SSH2: variants seen among roughly 807,000 people sequenced by gnomAD.
The protein encoded by SSH2 is protein phosphatase Slingshot homolog 2.
SSH2 carries 37 observed loss-of-function variants against 135.2 expected under a neutral mutation model. That is an observed-to-expected ratio of 0.27 (90% CI 0.21 to 0.36). The LOEUF is 0.36. Among genes scored for constraint, SSH2 ranks in the 10% least tolerant of loss-of-function variants. SSH2 has a pLI of 1.00. For synonymous variants in SSH2, 628 were observed against 646.2 expected, an observed-to-expected ratio of 0.97 and a Z score of 0.43; for missense variants, 1,408 against 1,765.3, an observed-to-expected ratio of 0.80 and a Z score of 3.63.
intron 2 of SSH2, among the ~76,000 whole-genome samples, chr17:29,823,353 G>C (rs2042686203): frequency 6.6e-6 from 1 of 152,206 alleles, no homozygotes; most frequent in African/African-American, 2.4e-5. Context: ...TTCCAGAACA[G>C]TATAAAGCAG....
chr17:29,903,748 A>T (rs958768301), intron 1 of SSH2, among the ~76,000 whole-genome samples: 1 of 152,186 alleles, frequency 6.6e-6, no homozygotes, highest in African/African-American at 2.4e-5. Context: ...TAATTAATTA[A>T]TATTCACCAA....
intron 1 of SSH2, among the ~76,000 whole-genome samples, chr17:29,883,513 A>G (rs894340781): frequency 3.3e-5 from 5 of 152,238 alleles, no homozygotes; most frequent in Non-Finnish European, 7.3e-5. Context: ...GTTATACTGT[A>G]TATAAATAGA....
chr17:29,657,561 G>A (rs567872637), intron 11 of SSH2, among the ~76,000 whole-genome samples: 2 of 147,714 alleles, frequency 1.4e-5, no homozygotes, highest in Admixed American at 6.8e-5. Flanking sequence ...GAGCCACTGT[G>A]CCCGGCTACT....
chr17:29,689,417 T>C (rs779716496), intron 5 of SSH2, among the ~76,000 whole-genome samples: 6 of 152,240 alleles, frequency 3.9e-5, no homozygotes, highest in Non-Finnish European at 5.9e-5. Context: ...CCAGAACCTA[T>C]ATTGAAATCA....
intron 3 of SSH2, among the ~76,000 whole-genome samples, chr17:29,735,465 G>C (rs1191965570): frequency 6.6e-6 from 1 of 152,110 alleles, no homozygotes; most frequent in Non-Finnish European, 1.5e-5. Flanking sequence ...GGGAGGCTGA[G>C]GCAGGCACAT....
intron 8 of SSH2, 179 bp downstream of exon 8, chr17:29,676,641 A>T: frequency 1.9e-6 from 1 of 533,948 alleles, no homozygotes; most frequent in Non-Finnish European, 3.4e-6. Flanking sequence ...CCAATACTCA[A>T]GGCCTTCCAA....
intron 3 of SSH2, among the ~76,000 whole-genome samples, chr17:29,744,887 G>A (rs1030303415): frequency 2.0e-5 from 3 of 151,836 alleles, no homozygotes; most frequent in Non-Finnish European, 4.4e-5. Flanking sequence ...GTGTGTGTGT[G>A]TGTGTGTGTG....
chr17:29,925,094 T>A (rs2067040262), intron 1 of SSH2: 1 of 153,276 alleles, frequency 6.5e-6, no homozygotes. Flanking sequence ...TTCAGCCAAG[T>A]CTTTAAACTG....
intron 14 of SSH2, among the ~76,000 whole-genome samples, chr17:29,640,031 C>A (rs1016273661): frequency 6.6e-6 from 1 of 151,572 alleles, no homozygotes; most frequent in African/African-American, 2.4e-5. Context: ...ACAGAACAGG[C>A]AAAATGAGAA....
At chr17:29,817,791 C>A (rs2042583974) in intron 2 of SSH2, among the ~76,000 whole-genome samples, 2 of 152,058 alleles carry the variant, frequency 1.3e-5, no homozygotes, top group Non-Finnish European at 2.9e-5. Flanking sequence ...GGGTCTCGTT[C>A]TTGTTGACCA....
At chr17:29,920,399 T>C (rs2066955847) in intron 1 of SSH2, among the ~76,000 whole-genome samples, 1 of 152,240 alleles carries the variant, frequency 6.6e-6, no homozygotes, top group African/African-American at 2.4e-5. Flanking sequence ...ATTCAAAATG[T>C]AAGCTAGTTT....
chr17:29,831,040 A>C (rs1231984811), intron 2 of SSH2, among the ~76,000 whole-genome samples: 1 of 152,216 alleles, frequency 6.6e-6, no homozygotes, highest in Non-Finnish European at 1.5e-5. Flanking sequence ...AGTGGATTTT[A>C]ATTTTTACTT....
chr17:29,872,640 C>T (rs1439493055), intron 1 of SSH2, among the ~76,000 whole-genome samples: 1 of 152,070 alleles, frequency 6.6e-6, no homozygotes, highest in Non-Finnish European at 1.5e-5. Context: ...CTAGCGGTCT[C>T]GTAACAAGGT....
intron 3 of SSH2, among the ~76,000 whole-genome samples, chr17:29,735,968 G>T (rs146510314): frequency 6.6e-6 from 1 of 151,588 alleles, no homozygotes; most frequent in Non-Finnish European, 1.5e-5. Context: ...GTGGTGGTGC[G>T]TGCTTGTAAT....
intron 3 of SSH2, among the ~76,000 whole-genome samples, chr17:29,730,507 C>G (rs1160983847): frequency 6.6e-6 from 1 of 151,210 alleles, no homozygotes; most frequent in Admixed American, 6.6e-5. Flanking sequence ...ATGATCACCA[C>G]TCACTGTAGC....
intron 1 of SSH2, among the ~76,000 whole-genome samples, chr17:29,916,536 C>T (rs1009448961): frequency 2.0e-5 from 3 of 150,806 alleles, no homozygotes; most frequent in African/African-American, 7.3e-5. Flanking sequence ...GCGTGACTCA[C>T]TGCAACCTTG....
At chr17:29,902,065 G>C (rs933707454) in intron 1 of SSH2, among the ~76,000 whole-genome samples, 1 of 152,074 alleles carries the variant, frequency 6.6e-6, no homozygotes, top group Admixed American at 6.6e-5. Context: ...GGGATTACAG[G>C]CATAAACCAC....
intron 3 of SSH2, among the ~76,000 whole-genome samples, chr17:29,741,007 C>T (rs1470493759): frequency 6.6e-6 from 1 of 152,188 alleles, no homozygotes; most frequent in Non-Finnish European, 1.5e-5. Context: ...TTAGTTTCTT[C>T]ATTGTAACTA....
At chr17:29,727,428 A>G (rs2040039640) in intron 3 of SSH2, among the ~76,000 whole-genome samples, 1 of 152,230 alleles carries the variant, frequency 6.6e-6, no homozygotes, top group African/African-American at 2.4e-5. Flanking sequence ...ATTAAAAAAT[A>G]TCTATGAGAA....
Sources: allele counts gnomAD v4.1 joint callset (sites outside exome capture counted in the v4.1 genomes callset), GRCh38; gene constraint gnomAD v4.1.1; transcripts MANE v1.5; gene names NCBI Gene and HGNC (gene_info 2026-07-23, HGNC 2026-07-21).